Variants in NUDT3 observed in about 807,000 individuals in gnomAD.
NUDT3 encodes the protein nudix hydrolase 3.
A neutral mutation model predicts 23.6 loss-of-function variants in NUDT3; 9 were observed. The observed-to-expected ratio is 0.38, with a 90% CI of 0.23 to 0.66. The LOEUF is 0.66. Ranked by LOEUF, NUDT3 falls within the 30% of genes least tolerant of loss-of-function variation. The pLI, the probability that NUDT3 is intolerant of heterozygous loss-of-function variation, is 0.52. For missense variants in NUDT3, 172 were observed against 218.5 expected (o/e 0.79, Z 1.34); for synonymous variants, 86 against 82.6 (o/e 1.04, Z -0.22).
intron 2 of NUDT3, among the ~76,000 whole-genome samples, chr6:34,307,733 A>C (rs1350537103): frequency 6.6e-6 from 1 of 152,198 alleles, no homozygotes; most frequent in Non-Finnish European, 1.5e-5. Context: ...GAAGAACAGG[A>C]ACAGAGAACA....
chr6:34,294,729 A>C (rs1473598568), intron 3 of NUDT3, among the ~76,000 whole-genome samples: 1 of 152,006 alleles, frequency 6.6e-6, no homozygotes, highest in African/African-American at 2.4e-5. Flanking sequence ...CTGTCTCAAA[A>C]AAAAAAAAAA....
At position 34,286,683 on chromosome 6, in the gene NUDT3, C is replaced by T. The variant is rs1039567378; in HGVS notation, c.*2070G>A. 2 of 150,318 alleles carry T rather than the reference C, an allele frequency of 1.3e-5. No homozygotes were observed. Among genetic ancestry groups the T allele is most frequent in the African/African-American group, 4.9e-5 (2 of 40,564 alleles). 9.3% of individuals were successfully genotyped at this position (150,318 alleles called of 1,614,324 possible). A position where few individuals can be genotyped will look rare whatever the true frequency, so the allele number is the denominator to read the frequency against. ...CTCCTTGGGAATATAATTCCTTTCCCAGAGGTATCATGGTATCCCAAGAAT... is the reference window on the plus strand; with the variant it reads ...CTCCTTGGGAATATAATTCCTTTCCTAGAGGTATCATGGTATCCCAAGAAT... On this transcript the variant is annotated 3_prime_UTR_variant, in exon 5 of 5. Transcript: ENST00000607016.
intron 1 of NUDT3, among the ~76,000 whole-genome samples, chr6:34,343,985 T>C (rs1764327040): frequency 6.6e-6 from 1 of 152,176 alleles, no homozygotes; most frequent in Non-Finnish European, 1.5e-5. Context: ...CAAAATGAGA[T>C]ACTACTTCAC....
intron 1 of NUDT3, among the ~76,000 whole-genome samples, chr6:34,346,488 GA>G (rs1431773315): frequency 5.2e-4 from 79 of 152,202 alleles, no homozygotes; most frequent in African/African-American, 1.8e-3. Context: ...ATAAAGCAAA[GA>G]AAAGGAAACC....
intron 1 of NUDT3, among the ~76,000 whole-genome samples, chr6:34,354,191 T>C (rs138833007): frequency 1.7e-3 from 258 of 151,960 alleles, no homozygotes; most frequent in African/African-American, 6.0e-3. Flanking sequence ...GTGCTGGGAT[T>C]ACAGGCGTGA....
chr6:34,289,715 T>A (rs1392975043), intron 4 of NUDT3, among the ~76,000 whole-genome samples: 5 of 152,216 alleles, frequency 3.3e-5, no homozygotes, highest in Admixed American at 3.3e-4. Context: ...ATAATCTCAA[T>A]ACAATCACAC....
rs7740217 is a variant in NUDT3 at position 34,315,178 on chromosome 6, G to T, written c.211-19493C>A. ...ACCAGGTTTAAAAAGGGAGTGGGGG[G>T]AACAAACACTTAAGAAAAACTGGTT... On this transcript the variant is annotated intron_variant, in intron 2 of 4. Coordinates refer to ENST00000607016, the MANE Select transcript of NUDT3 (RefSeq NM_006703.4). Among the ~76,000 whole-genome samples, 954 of 152,248 alleles carry T rather than the reference G, an allele frequency of 6.3e-3. 11 individuals are homozygous for T. The highest frequency in any genetic ancestry group is 0.022 in the African/African-American group (902 of 41,544).
At chr6:34,294,209 C>T (rs1763465949) in intron 3 of NUDT3, among the ~76,000 whole-genome samples, 1 of 152,064 alleles carries the variant, frequency 6.6e-6, no homozygotes, top group Non-Finnish European at 1.5e-5. Context: ...TGGTCTCAAA[C>T]TCCTGACCTC....
intron 1 of NUDT3, among the ~76,000 whole-genome samples, chr6:34,373,861 T>C (rs544786347): frequency 1.1e-4 from 16 of 152,302 alleles, no homozygotes; most frequent in Middle Eastern, 3.4e-3. Flanking sequence ...TTTAGAAATA[T>C]ATTTTTATTC....
intron 4 of NUDT3, among the ~76,000 whole-genome samples, chr6:34,292,449 A>C (rs992619034): frequency 6.6e-6 from 1 of 152,172 alleles, no homozygotes; most frequent in African/African-American, 2.4e-5. Flanking sequence ...CCTTTGTACC[A>C]CCACAGTTTA....
At chr6:34,354,198 G>A (rs932930247) in intron 1 of NUDT3, among the ~76,000 whole-genome samples, 6 of 151,686 alleles carry the variant, frequency 4.0e-5, no homozygotes, top group Non-Finnish European at 8.8e-5. Context: ...GATTACAGGC[G>A]TGAGCCACTG....
At chr6:34,330,121 T>C (rs998993144) in intron 2 of NUDT3, among the ~76,000 whole-genome samples, 3 of 152,226 alleles carry the variant, frequency 2.0e-5, no homozygotes, top group Non-Finnish European at 4.4e-5. Context: ...CGTGTGCATG[T>C]GTCTTTATAG....
At chr6:34,346,715 G>A (rs964995444) in intron 1 of NUDT3, among the ~76,000 whole-genome samples, 17 of 151,370 alleles carry the variant, frequency 1.1e-4, no homozygotes, top group Non-Finnish European at 1.5e-4. Flanking sequence ...AAGTTTCCTT[G>A]ACAACCTATT....
intron 2 of NUDT3, among the ~76,000 whole-genome samples, chr6:34,336,252 AAAACAAAC>A (rs371175665): frequency 1.3e-5 from 2 of 152,044 alleles, no homozygotes; most frequent in Non-Finnish European, 2.9e-5. Context: ...ACTCCATCTC[AAAACAAAC>A]AAACAAACAA....
chr6:34,386,769 CAT>C (rs1229275467), intron 1 of NUDT3, among the ~76,000 whole-genome samples: 1 of 152,158 alleles, frequency 6.6e-6, no homozygotes, highest in East Asian at 1.9e-4. Flanking sequence ...ATGCATTACT[CAT>C]GTGTTTATGG....
At chr6:34,335,328 T>C (rs1032878327) in intron 2 of NUDT3, among the ~76,000 whole-genome samples, 1 of 152,208 alleles carries the variant, frequency 6.6e-6, no homozygotes, top group Non-Finnish European at 1.5e-5. Flanking sequence ...CCTCATTTAA[T>C]AGGAAGGCTC....
intron 1 of NUDT3, among the ~76,000 whole-genome samples, chr6:34,390,422 A>G (rs1765179141): frequency 1.3e-5 from 2 of 152,170 alleles, no homozygotes; most frequent in South Asian, 2.1e-4. Context: ...ATGTCAGTGC[A>G]TAACAAAACA....
chr6:34,382,902 T>C (rs1224167582), intron 1 of NUDT3, among the ~76,000 whole-genome samples: 10 of 148,958 alleles, frequency 6.7e-5, no homozygotes, highest in Admixed American at 2.0e-4. Context: ...CCGAGGAGGG[T>C]GGATCACAAG....
At chr6:34,322,251 G>C (rs184688110) in intron 2 of NUDT3, among the ~76,000 whole-genome samples, 23 of 149,516 alleles carry the variant, frequency 1.5e-4, no homozygotes, top group African/African-American at 5.4e-4. Flanking sequence ...TTTTTTTTGA[G>C]ATGGAGTTTC....
Sources: allele counts gnomAD v4.1 joint callset (sites outside exome capture counted in the v4.1 genomes callset), GRCh38; gene constraint gnomAD v4.1.1; transcripts MANE v1.5; gene names NCBI Gene and HGNC (gene_info 2026-07-23, HGNC 2026-07-21).